The following ZNF362 variants were observed in gnomAD, a reference collection of about 807,000 sequenced individuals.
ZNF362 encodes the protein rotund homolog.
ZNF362 carries 11 observed loss-of-function variants against 42.9 expected under a neutral mutation model. The observed-to-expected ratio is 0.26, with a 90% CI of 0.16 to 0.42. The LOEUF (loss-of-function observed/expected upper bound fraction) is 0.42, where lower values mean the gene tolerates loss of function less well. ZNF362 is among the 20% of genes least tolerant of loss of function. The probability of loss-of-function intolerance (pLI) is 1.00; values close to 1 mark genes in which losing one functional copy is unlikely to be tolerated. For missense variants in ZNF362, 362 were observed against 576.2 expected (o/e 0.63, Z 3.81); for synonymous variants, 255 against 257.3 (o/e 0.99, Z 0.09).
At chr1:33,279,478 T>G (rs566073825) in intron 4 of ZNF362, among the ~76,000 whole-genome samples, 2 of 115,706 alleles carry the variant, frequency 1.7e-5, no homozygotes, top group African/African-American at 5.7e-5. Flanking sequence ...AAATTTTTAG[T>G]TTTTTTTTTT....
intron 1 of ZNF362, among the ~76,000 whole-genome samples, chr1:33,257,093 T>C (rs932228705): frequency 6.6e-5 from 10 of 152,130 alleles, no homozygotes; most frequent in African/African-American, 2.4e-4. Context: ...GATTTCTCCC[T>C]TTTTTTGCAG....
chr1:33,264,722 C>A (rs1193368263), intron 1 of ZNF362, among the ~76,000 whole-genome samples: 1 of 152,068 alleles, frequency 6.6e-6, no homozygotes, highest in East Asian at 1.9e-4. Flanking sequence ...AGAAAATGGA[C>A]TTGACAGAGG....
At chr1:33,258,223 G>T (rs1055994605) in intron 1 of ZNF362, among the ~76,000 whole-genome samples, 3 of 152,178 alleles carry the variant, frequency 2.0e-5, no homozygotes, top group Non-Finnish European at 4.4e-5. Flanking sequence ...ACAGGTCAGG[G>T]CCTGCTGGCT....
chr1:33,256,740 G>GGGGCCGGGCCGGGGCGC (rs1645794164), intron 1 of ZNF362, 86 bp downstream of exon 1: 1 of 145,550 alleles, frequency 6.9e-6, no homozygotes, highest in East Asian at 2.0e-4. Context: ...GTTGCGGGCG[G>GGGGCCGGGCCGGGGCGC]GGGCCGGGCC....
chr1:33,230,285 G>C, the ZNF362 span, among the ~76,000 whole-genome samples: 1 of 152,184 alleles, frequency 6.6e-6, no homozygotes, highest in Non-Finnish European at 1.5e-5. Context: ...ATGAGTATTA[G>C]ATATTATTGT....
At chr1:33,256,468 G>GCCA, upstream of ZNF362, 1 of 169,718 alleles carries the variant, frequency 5.9e-6, no homozygotes, top group Non-Finnish European at 1.2e-5. Flanking sequence ...CGCCGCCGCC[G>GCCA]CCGCCTCGGC....
the ZNF362 span, among the ~76,000 whole-genome samples, chr1:33,177,030 CAT>C: frequency 8.7e-6 from 1 of 114,348 alleles, no homozygotes. This position sits in a 1 kb window ranked among gnomAD's most constrained non-coding sequence, Gnocchi z 4.1. Context: ...CACCAACACA[CAT>C]ACACATGCAC....
chr1:33,167,661 T>C, the ZNF362 span, among the ~76,000 whole-genome samples: 1 of 152,282 alleles, frequency 6.6e-6, no homozygotes, highest in South Asian at 2.1e-4. The surrounding 1 kb of genome is among the most constrained non-coding windows in gnomAD (Gnocchi z 4.2). Flanking sequence ...CCCAAGTCAG[T>C]CTGGGCTGTG....
the ZNF362 span, chr1:33,162,725 T>G: frequency 1.3e-5 from 2 of 152,794 alleles, no homozygotes; most frequent in Non-Finnish European, 2.9e-5. Flanking sequence ...CAGCCAGCAG[T>G]GGAACATCAG....
the ZNF362 span, among the ~76,000 whole-genome samples, chr1:33,148,082 G>T: frequency 6.6e-6 from 1 of 152,168 alleles, no homozygotes; most frequent in East Asian, 1.9e-4. Context: ...GCTTCCAGAT[G>T]ATCCAGTTGC....
At chr1:33,288,743 C>CAAAAAAAAAA (rs60197226) in intron 6 of ZNF362, among the ~76,000 whole-genome samples, 3,144 of 27,250 alleles carry the variant, frequency 0.12, 1,160 homozygotes, top group African/African-American at 0.29. Flanking sequence ...GACTCTGTCT[C>CAAAAAAAAAA]AAAAAAAAAA....
the ZNF362 span, among the ~76,000 whole-genome samples, chr1:33,218,261 G>A: frequency 6.6e-6 from 1 of 152,026 alleles, no homozygotes; most frequent in East Asian, 1.9e-4. Context: ...GGCAACATAG[G>A]GAGATACTGC....
At chr1:33,184,868 C>T in the ZNF362 span, among the ~76,000 whole-genome samples, 5 of 152,262 alleles carry the variant, frequency 3.3e-5, no homozygotes, top group Admixed American at 3.3e-4. Context: ...GCAACCTCTG[C>T]CTCCCAGGTC....
the ZNF362 span, among the ~76,000 whole-genome samples, chr1:33,135,621 T>C: frequency 6.6e-6 from 1 of 152,194 alleles, no homozygotes; most frequent in Non-Finnish European, 1.5e-5. Flanking sequence ...CAGCCTCCTG[T>C]CCCTCAAACA....
chr1:33,274,859 T>C (rs2148092033), intron 2 of ZNF362: 1 of 792,696 alleles, frequency 1.3e-6, no homozygotes, highest in Non-Finnish European at 1.5e-6. Context: ...GATAAAATGG[T>C]ATAATAATAC....
the ZNF362 span, among the ~76,000 whole-genome samples, chr1:33,236,034 G>C: frequency 6.6e-6 from 1 of 152,268 alleles, no homozygotes; most frequent in South Asian, 2.1e-4. Flanking sequence ...GGGGGTGCAA[G>C]TGCTGACTGT....
At chr1:33,152,425 C>T in the ZNF362 span, among the ~76,000 whole-genome samples, 794 of 152,136 alleles carry the variant, frequency 5.2e-3, 2 homozygotes, top group Non-Finnish European at 6.0e-3. Context: ...AAATTAGCGG[C>T]GCATGGTGGC....
chr1:33,199,845 C>T, the ZNF362 span: 1 of 152,034 alleles, frequency 6.6e-6, no homozygotes, highest in South Asian at 2.1e-4. Context: ...GAAACCCCAT[C>T]TCTACTAAAA....
At chr1:33,131,381 A>C in the ZNF362 span, among the ~76,000 whole-genome samples, 1 of 151,756 alleles carries the variant, frequency 6.6e-6, no homozygotes, top group Non-Finnish European at 1.5e-5. Flanking sequence ...CTTTTTAGCC[A>C]CTCCTGCAGG....
Sources: gnomAD v4.1 joint callset for allele counts (sites outside exome capture counted in the v4.1 genomes callset) on GRCh38, gnomAD v4.1.1 for gene constraint, Gnocchi (gnomAD v3.1) non-coding constraint, MANE v1.5 for transcripts, NCBI Gene and HGNC (gene_info 2026-07-23, HGNC 2026-07-21) for gene names.